Variants in TMEM26 observed in about 807,000 individuals in gnomAD.
TMEM26 encodes transmembrane protein 26.
TMEM26 carries 38 observed loss-of-function variants against 28.8 expected under a neutral mutation model. The ratio of observed to expected loss-of-function variants is 1.32; its 90% CI spans 1.02 to 1.73. The LOEUF is 1.73. Ranked by LOEUF, TMEM26 falls within the 40% of genes most tolerant of loss-of-function variation. TMEM26 has a pLI of 0.00. For synonymous variants in TMEM26, 227 were observed against 182.9 expected, an observed-to-expected ratio of 1.24 and a Z score of -1.95; for missense variants, 518 against 447.1, an observed-to-expected ratio of 1.16 and a Z score of -1.43.
At chr10:61,432,865 C>A (rs1839945262) in intron 2 of TMEM26, among the ~76,000 whole-genome samples, 2 of 152,036 alleles carry the variant, frequency 1.3e-5, no homozygotes, top group African/African-American at 4.8e-5. Context: ...AGCAAAAATA[C>A]AGTTGTTTGC....
intron 5 of TMEM26, among the ~76,000 whole-genome samples, chr10:61,412,689 G>A (rs1211838687): frequency 6.6e-6 from 1 of 152,140 alleles, no homozygotes; most frequent in African/African-American, 2.4e-5. Context: ...TATTACTGCT[G>A]TCCAATATGG....
At chr10:61,434,708 A>T (rs1236916326) in intron 2 of TMEM26, among the ~76,000 whole-genome samples, 1 of 152,226 alleles carries the variant, frequency 6.6e-6, no homozygotes, top group Non-Finnish European at 1.5e-5. Flanking sequence ...AAAATGTTTT[A>T]TTCATCCCTA....
chr10:61,426,294 A>G (rs1839831037), intron 4 of TMEM26, among the ~76,000 whole-genome samples: 1 of 152,180 alleles, frequency 6.6e-6, no homozygotes. Context: ...GCAAACTGCC[A>G]CAGGAATCTT....
At chr10:61,452,855 GCC>G in intron 1 of TMEM26, 34 bp downstream of exon 1, 1 of 1,599,618 alleles carries the variant, frequency 6.3e-7, no homozygotes, top group South Asian at 1.1e-5. Context: ...ATACCCTAGG[GCC>G]CCGTGCGCCC....
intron 4 of TMEM26, chr10:61,413,751 G>A (rs1467076570): frequency 4.1e-6 from 5 of 1,231,398 alleles, no homozygotes; most frequent in Non-Finnish European, 4.1e-6. Context: ...CCCAACATAT[G>A]CATGAATTAT....
chr10:61,439,024 T>C (rs1340611629), intron 1 of TMEM26, among the ~76,000 whole-genome samples: 1 of 152,188 alleles, frequency 6.6e-6, no homozygotes, highest in Non-Finnish European at 1.5e-5. Flanking sequence ...CACGTGTCTC[T>C]GGTAAGAACA....
chr10:61,431,506 T>G (rs1435928108), intron 2 of TMEM26, among the ~76,000 whole-genome samples, 174 bp from the exon 3 acceptor site: 1 of 152,098 alleles, frequency 6.6e-6, no homozygotes, highest in East Asian at 1.9e-4. Context: ...AACCACTTTT[T>G]AATCAATATG....
intron 1 of TMEM26, among the ~76,000 whole-genome samples, chr10:61,447,628 G>A (rs1416891005): frequency 2.0e-5 from 3 of 152,184 alleles, no homozygotes; most frequent in Non-Finnish European, 4.4e-5. Context: ...TTAACATGGA[G>A]TCTAGGGATA....
rs185481367 is a variant in TMEM26, at chr10:61,424,692, C to T, written c.605+4234G>A. ...CAAAACACACTATAGCTACATAATC[C>T]TGACAGTGTGGTATTGGTATAATGA... On this transcript the variant is annotated intron_variant, in intron 4 of 5. Coordinates refer to ENST00000399298, the MANE Select transcript of TMEM26 (RefSeq NM_178505.8). Among the ~76,000 whole-genome samples the T allele has an allele frequency of 1.6e-3, 240 of 152,210 alleles. 1 individual carries two copies. The highest frequency in any genetic ancestry group is 2.8e-3 in the Non-Finnish European group (191 of 68,016).
intron 2 of TMEM26, among the ~76,000 whole-genome samples, chr10:61,434,206 T>C (rs1324963778): frequency 6.6e-6 from 1 of 152,204 alleles, no homozygotes; most frequent in Non-Finnish European, 1.5e-5. Context: ...ATTCAACCTC[T>C]GGGCATTCAT....
intron 3 of TMEM26, among the ~76,000 whole-genome samples, chr10:61,430,571 C>CAA (rs34623859): frequency 0.012 from 1,140 of 96,374 alleles, 10 homozygotes; most frequent in African/African-American, 0.029. Flanking sequence ...AAAGAACTGA[C>CAA]AAAAAAAAAA....
chr10:61,440,580 T>G (rs1257953630), intron 1 of TMEM26, among the ~76,000 whole-genome samples: 1 of 152,082 alleles, frequency 6.6e-6, no homozygotes, highest in East Asian at 1.9e-4. Flanking sequence ...ATTTCTCTCT[T>G]TAGAAATACC....
intron 2 of TMEM26, among the ~76,000 whole-genome samples, chr10:61,432,060 T>G (rs576135279): frequency 6.6e-6 from 1 of 152,060 alleles, no homozygotes; most frequent in Non-Finnish European, 1.5e-5. Context: ...AGGACATGAT[T>G]TTGCTATTTT....
intron 4 of TMEM26, among the ~76,000 whole-genome samples, chr10:61,427,837 A>C (rs2135307167): frequency 6.6e-6 from 1 of 152,260 alleles, no homozygotes; most frequent in East Asian, 1.9e-4. Context: ...TTGTAACAAC[A>C]TTGTATTCTA....
At chr10:61,419,910 C>A (rs1839715471) in intron 4 of TMEM26, among the ~76,000 whole-genome samples, 2 of 152,092 alleles carry the variant, frequency 1.3e-5, no homozygotes, top group Non-Finnish European at 1.5e-5. Context: ...GAAAGAAAAT[C>A]TTTAAAACAT....
chr10:61,439,177 T>A (rs137974634), intron 1 of TMEM26, among the ~76,000 whole-genome samples: 1 of 152,346 alleles, frequency 6.6e-6, no homozygotes, highest in African/African-American at 2.4e-5. Flanking sequence ...TCTACTTGTA[T>A]TTTAAAGGCA....
intron 4 of TMEM26, among the ~76,000 whole-genome samples, chr10:61,419,919 A>G (rs1045414945): frequency 6.6e-6 from 1 of 152,146 alleles, no homozygotes; most frequent in African/African-American, 2.4e-5. Context: ...TCTTTAAAAC[A>G]TCAAGAGAAA....
intron 4 of TMEM26, among the ~76,000 whole-genome samples, chr10:61,425,923 C>G (rs1261275573): frequency 6.6e-6 from 1 of 152,032 alleles, no homozygotes. Flanking sequence ...ATATAACCAG[C>G]CATTCCACTC....
rs746600497 is a variant in TMEM26 at position 61,410,379 on chromosome 10, C to CA, written c.1049dup (p.Ala351GlyfsTer23). ...CTGGGGAGCCCCGCAAAGGAATAGC[C>CA]AGGCCCTCCTTAGACTCGTTCTGCC... On this transcript the variant is annotated frameshift_variant, in exon 6 of 6. Transcript: ENST00000399298. LOFTEE classifies it low-confidence loss of function (END_TRUNC). 2.5e-6 allele frequency: 4 copies of CA among 1,613,996 alleles called. No individual in the cohort carries two copies. In the Admixed American group the frequency reaches 6.7e-5, roughly 27 times the overall value.
Sources: gnomAD v4.1 joint callset for allele counts (sites outside exome capture counted in the v4.1 genomes callset) on GRCh38, gnomAD v4.1.1 for gene constraint, MANE v1.5 for transcripts, NCBI Gene and HGNC (gene_info 2026-07-23, HGNC 2026-07-21) for gene names.